The following EPHB1 variants were observed in gnomAD, a reference collection of about 807,000 sequenced individuals.
The protein encoded by EPHB1 is EPH receptor B1.
In EPHB1, 30 loss-of-function variants were observed where a neutral mutation model predicts 94.4. The observed-to-expected ratio is 0.32, with a 90% confidence interval of 0.24 to 0.43. EPHB1 has a LOEUF of 0.43. Ranked by LOEUF, EPHB1 falls within the 20% of genes least tolerant of loss-of-function variation. The probability of loss-of-function intolerance (pLI) is 1.00; values close to 1 mark genes in which losing one functional copy is unlikely to be tolerated. For missense variants in EPHB1, 1,055 were observed against 1,308.3 expected, an observed-to-expected ratio of 0.81 and a Z score of 2.99; for synonymous variants, 522 against 489.1, an observed-to-expected ratio of 1.07 and a Z score of -0.89.
chr3:134,861,154 G>A (rs1434303856), intron 1 of EPHB1, among the ~76,000 whole-genome samples: 1 of 152,178 alleles, frequency 6.6e-6, no homozygotes, highest in African/African-American at 2.4e-5. Context: ...AGTGTGGTGA[G>A]GAATGTAGCA....
intron 1 of EPHB1, among the ~76,000 whole-genome samples, chr3:134,824,677 T>A (rs2036443908): frequency 6.6e-6 from 1 of 152,136 alleles, no homozygotes; most frequent in African/African-American, 2.4e-5. Flanking sequence ...TAAAGCTAGG[T>A]CAGAAGCAGC....
chr3:135,139,438 C>G (rs1373768624), intron 5 of EPHB1, among the ~76,000 whole-genome samples: 1 of 152,236 alleles, frequency 6.6e-6, no homozygotes, highest in Admixed American at 6.5e-5. Context: ...CTTGCAAGTA[C>G]TGGCTCAAGG....
At chr3:135,096,924 C>T (rs528251108) in intron 3 of EPHB1, among the ~76,000 whole-genome samples, 23 of 151,792 alleles carry the variant, frequency 1.5e-4, no homozygotes, top group South Asian at 1.0e-3. Context: ...GGTGAAACCC[C>T]GTCTCTACTT....
At chr3:134,842,996 T>C (rs925614671) in intron 1 of EPHB1, among the ~76,000 whole-genome samples, 2 of 152,256 alleles carry the variant, frequency 1.3e-5, no homozygotes, top group East Asian at 1.9e-4. Flanking sequence ...TCATTTTTTT[T>C]CCTGTGTTTT....
At chr3:134,887,327 A>G (rs902926575) in intron 1 of EPHB1, among the ~76,000 whole-genome samples, 3 of 152,220 alleles carry the variant, frequency 2.0e-5, no homozygotes, top group Non-Finnish European at 2.9e-5. Context: ...GGAAGCTGTC[A>G]GGTCTCGTAA....
At chr3:134,928,269 C>G (rs1444228467) in intron 2 of EPHB1, among the ~76,000 whole-genome samples, 2 of 152,218 alleles carry the variant, frequency 1.3e-5, no homozygotes, top group African/African-American at 4.8e-5. Flanking sequence ...CAGGGATACG[C>G]TCTCTGCATC....
rs138941293 is a variant in EPHB1, at chr3:134,805,278, A to G, written c.58+9589A>G. Among the ~76,000 whole-genome samples, 6 of 152,240 alleles carry G rather than the reference A, an allele frequency of 3.9e-5. No individual in the cohort carries two copies. In the East Asian group the frequency reaches 1.2e-3, roughly 29 times the overall value. On this transcript the variant is annotated intron_variant, in intron 1 of 15. Coordinates refer to ENST00000398015, the MANE Select transcript of EPHB1 (RefSeq NM_004441.5). The stretch of plus-strand genomic sequence containing the variant: ...CTCAGCTCCTTTGACAATGCCTCCA[A>G]ATGGTTTGGGATGGTGGAATGCAGG...
At chr3:135,068,502 G>A (rs547425414) in intron 3 of EPHB1, among the ~76,000 whole-genome samples, 13 of 151,760 alleles carry the variant, frequency 8.6e-5, no homozygotes, top group African/African-American at 2.9e-4. Flanking sequence ...AAATTGGTTT[G>A]TTTTTTTATT....
At chr3:135,081,877 G>T (rs535749011) in intron 3 of EPHB1, among the ~76,000 whole-genome samples, 3 of 152,114 alleles carry the variant, frequency 2.0e-5, no homozygotes, top group Non-Finnish European at 4.4e-5. Flanking sequence ...TCACCAATTT[G>T]CTGTGGGCAG....
At chr3:135,108,992 A>G (rs950881705) in intron 4 of EPHB1, among the ~76,000 whole-genome samples, 1 of 152,192 alleles carries the variant, frequency 6.6e-6, no homozygotes, top group Non-Finnish European at 1.5e-5. Context: ...ATATGAAAAG[A>G]CAATGGGAGG....
Position 134,877,828 on chromosome 3 carries a change from C to T in EPHB1, c.59-47988C>T, listed in dbSNP as rs148718272. ...GAGGGCCTGGGGATGCTGTGCCAGG[C>T]TTGTCAGTGTCACCCCAAGGCAGTG... On this transcript the variant is annotated intron_variant, in intron 1 of 15. Coordinates refer to ENST00000398015, the MANE Select transcript of EPHB1 (RefSeq NM_004441.5). 6.3e-3 allele frequency among the ~76,000 whole-genome samples: 954 copies of T among 152,262 alleles called. 10 individuals are homozygous for T. The highest frequency in any genetic ancestry group is 0.022 in the African/African-American group (908 of 41,556).
At chr3:135,196,804 C>A (rs1231209721) in intron 11 of EPHB1, among the ~76,000 whole-genome samples, 3 of 152,084 alleles carry the variant, frequency 2.0e-5, no homozygotes, top group Non-Finnish European at 4.4e-5. Context: ...CTGAGAGATA[C>A]CATTATGCTT....
chr3:135,124,871 G>A (rs1000861750), intron 4 of EPHB1, among the ~76,000 whole-genome samples: 2 of 151,572 alleles, frequency 1.3e-5, no homozygotes, highest in Non-Finnish European at 2.9e-5. Context: ...GAGGACAGGA[G>A]CCTCAAAGGA....
chr3:135,214,237 G>C (rs1302280887), intron 12 of EPHB1, among the ~76,000 whole-genome samples: 1 of 152,132 alleles, frequency 6.6e-6, no homozygotes, highest in Non-Finnish European at 1.5e-5. Context: ...CTGTGCTCTT[G>C]TCCTTCCTGG....
At chr3:134,944,397 TAA>T (rs2039178698) in intron 2 of EPHB1, among the ~76,000 whole-genome samples, 1 of 152,204 alleles carries the variant, frequency 6.6e-6, no homozygotes, top group African/African-American at 2.4e-5. Context: ...GGTGACATAT[TAA>T]AGAGTCCAGC....
chr3:135,079,708 C>T (rs1442660381), intron 3 of EPHB1, among the ~76,000 whole-genome samples: 1 of 152,080 alleles, frequency 6.6e-6, no homozygotes, highest in Non-Finnish European at 1.5e-5. Flanking sequence ...AATAATGGTT[C>T]TGCAATTTGT....
At chr3:135,148,186 T>C (rs1387305183) in intron 5 of EPHB1, among the ~76,000 whole-genome samples, 2 of 152,212 alleles carry the variant, frequency 1.3e-5, no homozygotes, top group Non-Finnish European at 2.9e-5. Flanking sequence ...CAAGTAAATC[T>C]TGTATTTTTG....
At chr3:135,130,218 C>G (rs137938582) in intron 4 of EPHB1, among the ~76,000 whole-genome samples, 6 of 152,100 alleles carry the variant, frequency 3.9e-5, no homozygotes, top group Non-Finnish European at 8.8e-5. Flanking sequence ...GAGGAAGGAA[C>G]ATGTCTAAGG....
intron 3 of EPHB1, among the ~76,000 whole-genome samples, chr3:134,955,106 T>A (rs866444345): frequency 5.5e-5 from 1 of 18,278 alleles, no homozygotes; most frequent in African/African-American, 4.2e-4. Context: ...TTTTTTTTAA[T>A]TTTTTTTTTT....
Sources: gnomAD v4.1 joint callset for allele counts (sites outside exome capture counted in the v4.1 genomes callset) on GRCh38, gnomAD v4.1.1 for gene constraint, MANE v1.5 for transcripts, NCBI Gene and HGNC (gene_info 2026-07-23, HGNC 2026-07-21) for gene names.